Variants in SOX6 observed in about 807,000 individuals in gnomAD.
SOX6 encodes the protein SRY-box transcription factor 6, also known as transcription factor SOX-6.
In SOX6, 11 loss-of-function variants were observed where a neutral mutation model predicts 97.8. The observed-to-expected ratio is 0.11, with a 90% confidence interval of 0.07 to 0.19. The LOEUF (loss-of-function observed/expected upper bound fraction) is 0.19. SOX6 is among the 10% of genes least tolerant of loss of function. The pLI, the probability that SOX6 is intolerant of heterozygous loss-of-function variation, is 1.00. For synonymous variants in SOX6, 360 were observed against 371.4 expected (o/e 0.97, Z 0.35); for missense variants, 810 against 1,039.5 (o/e 0.78, Z 3.04).
At chr11:16,684,436 T>G (rs1429728097) in intron 3 of SOX6, among the ~76,000 whole-genome samples, 1 of 152,162 alleles carries the variant, frequency 6.6e-6, no homozygotes, top group Non-Finnish European at 1.5e-5. Flanking sequence ...TGTAGGGACA[T>G]GGATGAAGCT....
chr11:16,341,597 G>C (rs926630442), intron 1 of SOX6, among the ~76,000 whole-genome samples: 9 of 151,892 alleles, frequency 5.9e-5, no homozygotes, highest in African/African-American at 2.2e-4. Flanking sequence ...AAGTATTTAG[G>C]GTGATAGTTA....
intron 3 of SOX6, among the ~76,000 whole-genome samples, chr11:16,269,367 A>T (rs1480255384): frequency 1.3e-5 from 2 of 150,830 alleles, no homozygotes; most frequent in Non-Finnish European, 3.0e-5. Context: ...CTGCATTTGT[A>T]ATTTTCTTTT....
intron 3 of SOX6, among the ~76,000 whole-genome samples, chr11:16,692,452 A>G (rs549335917): frequency 6.6e-6 from 1 of 151,900 alleles, no homozygotes; most frequent in East Asian, 1.9e-4. Flanking sequence ...GCCTGCCCCA[A>G]CCTCCTAAGA....
At chr11:16,241,753 A>G (rs1201482499) in intron 3 of SOX6, among the ~76,000 whole-genome samples, 1 of 152,018 alleles carries the variant, frequency 6.6e-6, no homozygotes, top group East Asian at 1.9e-4. Flanking sequence ...TGGAAGCTAT[A>G]TGCATGTGGA....
chr11:15,969,271 C>T lies in SOX6; in HGVS notation c.*3538G>A, dbSNP rs570277036. The T allele has an allele frequency of 6.5e-4, 99 of 152,180 alleles. No individual in the cohort carries two copies. The highest frequency in any genetic ancestry group is 2.2e-3 in the African/African-American group (91 of 41,528). 9.4% of individuals were successfully genotyped at this position (152,180 alleles called of 1,614,324 possible). On this transcript the variant is annotated 3_prime_UTR_variant, in exon 16 of 16. Coordinates refer to ENST00000683767, the MANE Select transcript of SOX6 (RefSeq NM_001367873.1). ...TTGAATCTAAACTGACATGACGGGA[C>T]GTTTATTAACGGCCGATCTCAGAGG...
chr11:16,175,905 T>C (rs1276802352), intron 6 of SOX6, among the ~76,000 whole-genome samples: 1 of 151,922 alleles, frequency 6.6e-6, no homozygotes, highest in Non-Finnish European at 1.5e-5. Flanking sequence ...TTAGAAAAAC[T>C]AACTAAATTT....
intron 6 of SOX6, among the ~76,000 whole-genome samples, chr11:16,113,081 G>A (rs1284268916): frequency 6.6e-6 from 1 of 151,948 alleles, no homozygotes; most frequent in Admixed American, 6.6e-5. Flanking sequence ...TCCATACACT[G>A]GCTAATGACC....
At chr11:16,142,734 G>A (rs562399240) in intron 6 of SOX6, among the ~76,000 whole-genome samples, 4 of 152,142 alleles carry the variant, frequency 2.6e-5, no homozygotes, top group East Asian at 1.9e-4. Context: ...TTCGATCAAC[G>A]GGAATAAAGG....
chr11:16,335,616 A>C (rs1164517217), intron 2 of SOX6, among the ~76,000 whole-genome samples: 1 of 152,210 alleles, frequency 6.6e-6, no homozygotes, highest in Non-Finnish European at 1.5e-5. Flanking sequence ...ATCTTCTCTA[A>C]AATAACAAGA....
intron 3 of SOX6, among the ~76,000 whole-genome samples, chr11:16,291,834 G>A (rs188643068): frequency 6.6e-6 from 1 of 152,138 alleles, no homozygotes; most frequent in East Asian, 1.9e-4. Context: ...GATAACTTAA[G>A]TCTATTAGTC....
intron 1 of SOX6, among the ~76,000 whole-genome samples, chr11:16,398,890 A>G (rs1173726150): frequency 1.3e-5 from 2 of 151,014 alleles, no homozygotes; most frequent in Non-Finnish European, 3.0e-5. Context: ...AAGTAAAATA[A>G]TATTTTTTTT....
At chr11:16,645,877 G>T (rs1253458271) in intron 3 of SOX6, 1 of 152,046 alleles carries the variant, frequency 6.6e-6, no homozygotes, top group Non-Finnish European at 1.5e-5. Flanking sequence ...TGTTACAGCA[G>T]CCCTAGAAAA....
At chr11:16,568,971 C>A (rs67055609) in intron 4 of SOX6, among the ~76,000 whole-genome samples, 22,260 of 152,028 alleles carry the variant, frequency 0.15, 1,791 homozygotes, top group African/African-American at 0.22. Context: ...AGCACAATGT[C>A]TATGCTAAAT....
chr11:16,667,063 T>C (rs1308671088), intron 3 of SOX6, among the ~76,000 whole-genome samples: 1 of 116,166 alleles, frequency 8.6e-6, no homozygotes, highest in African/African-American at 3.1e-5. Context: ...TACCAAAAAA[T>C]TAAAAAAAAA....
At chr11:15,980,306 C>T (rs909893810) in intron 15 of SOX6, among the ~76,000 whole-genome samples, 3 of 152,012 alleles carry the variant, frequency 2.0e-5, no homozygotes, top group African/African-American at 7.2e-5. Flanking sequence ...AACTAGCTCC[C>T]TTGGGAAGCA....
At chr11:16,095,167 G>A (rs1185533793) in intron 9 of SOX6, among the ~76,000 whole-genome samples, 1 of 151,876 alleles carries the variant, frequency 6.6e-6, no homozygotes. Flanking sequence ...GTGTGTTTCA[G>A]TTTGAGGTAA....
intron 4 of SOX6, among the ~76,000 whole-genome samples, chr11:16,215,245 T>C (rs1158891284): frequency 6.6e-6 from 1 of 152,156 alleles, no homozygotes; most frequent in Non-Finnish European, 1.5e-5. Flanking sequence ...ATGGTACGAA[T>C]AGAAAGATGT....
intron 2 of SOX6, among the ~76,000 whole-genome samples, chr11:16,331,352 C>T (rs544944344): frequency 6.6e-6 from 1 of 152,210 alleles, no homozygotes; most frequent in African/African-American, 2.4e-5. Context: ...ACTCTGTTGA[C>T]AGTTAAGTCC....
chr11:16,585,001 C>A lies in SOX6; in HGVS notation n.609+27080G>T, dbSNP rs1232973766. On this transcript the variant is annotated intron_variant and non_coding_transcript_variant, in intron 4 of 5. Transcript: ENST00000524520. ...AATTCATATCCAAATTCACTCTGTG[C>A]CCAAATCAACTAGTCTCCACAAATT... Among the ~76,000 whole-genome samples the A allele has an allele frequency of 1.3e-5, 2 of 152,156 alleles. 1 individual carries two copies. Among genetic ancestry groups the A allele is most frequent in the Non-Finnish European group, 2.9e-5 (2 of 68,034 alleles).
Sources: allele counts gnomAD v4.1 joint callset (sites outside exome capture counted in the v4.1 genomes callset), GRCh38; gene constraint gnomAD v4.1.1; transcripts MANE v1.5; gene names NCBI Gene and HGNC (gene_info 2026-07-23, HGNC 2026-07-21).